The following SH3GL2 variants were observed in gnomAD, a reference collection of about 807,000 sequenced individuals.
The protein encoded by SH3GL2 is SH3 domain containing GRB2 like 2, endophilin A1, also known as endophilin-A1.
In SH3GL2, 24 loss-of-function variants were observed where a neutral mutation model predicts 46.0. The observed-to-expected ratio is 0.52, with a 90% CI of 0.38 to 0.73. The LOEUF (loss-of-function observed/expected upper bound fraction) is 0.73, where lower values mean the gene tolerates loss of function less well. Ranked by LOEUF, SH3GL2 falls within the 30% of genes least tolerant of loss-of-function variation. The probability of loss-of-function intolerance (pLI) is 0.00; values close to 1 mark genes in which losing one functional copy is unlikely to be tolerated. For synonymous variants in SH3GL2, 196 were observed against 147.1 expected, an observed-to-expected ratio of 1.33 and a Z score of -2.40; for missense variants, 413 against 424.2, an observed-to-expected ratio of 0.97 and a Z score of 0.23.
intron 1 of SH3GL2, among the ~76,000 whole-genome samples, chr9:17,707,057 C>T (rs1821490092): frequency 6.6e-6 from 1 of 152,078 alleles, no homozygotes; most frequent in African/African-American, 2.4e-5. Context: ...TTGCTTAACC[C>T]ATGCTGAAGA....
chr9:17,738,641 T>TATATATATATAGAGAGAGAGAGAGAGAG (rs376280314), intron 1 of SH3GL2, among the ~76,000 whole-genome samples: 1 of 88,898 alleles, frequency 1.1e-5, no homozygotes, highest in Non-Finnish European at 2.3e-5. Context: ...TATATATATA[T>TATATATATATAGAGAGAGAGAGAGAGAG]AGAGAGAGAG....
At chr9:17,656,593 T>A (rs534920385) in intron 1 of SH3GL2, among the ~76,000 whole-genome samples, 1 of 152,140 alleles carries the variant, frequency 6.6e-6, no homozygotes, top group Admixed American at 6.6e-5. Flanking sequence ...CTACTTATTC[T>A]CTTAGTCATG....
At chr9:17,631,362 C>T (rs1819417242) in intron 1 of SH3GL2, among the ~76,000 whole-genome samples, 1 of 152,164 alleles carries the variant, frequency 6.6e-6, no homozygotes, top group South Asian at 2.1e-4. Context: ...GTTCTGACAT[C>T]CCCTCTTGCT....
chr9:17,724,959 TTG>T (rs972920627), intron 1 of SH3GL2, among the ~76,000 whole-genome samples: 82 of 152,266 alleles, frequency 5.4e-4, no homozygotes, highest in African/African-American at 1.9e-3. Flanking sequence ...ATTTATACTT[TTG>T]TCCTGAGTTC....
intron 1 of SH3GL2, among the ~76,000 whole-genome samples, chr9:17,582,350 TTAGAA>T (rs1321509292): frequency 6.6e-6 from 1 of 152,234 alleles, no homozygotes; most frequent in Non-Finnish European, 1.5e-5. Flanking sequence ...TACTGTATAA[TTAGAA>T]TAAAGTATTC....
intron 1 of SH3GL2, among the ~76,000 whole-genome samples, chr9:17,661,642 A>T (rs1820217959): frequency 6.6e-6 from 1 of 152,208 alleles, no homozygotes. Context: ...ACAGGATGGT[A>T]CTACATAAAT....
intron 1 of SH3GL2, among the ~76,000 whole-genome samples, chr9:17,689,088 C>T (rs775829611): frequency 6.6e-6 from 1 of 152,010 alleles, no homozygotes; most frequent in Non-Finnish European, 1.5e-5. Flanking sequence ...ATAGTGTGTT[C>T]CCTTAATATG....
At chr9:17,677,623 G>GAT (rs1820645779) in intron 1 of SH3GL2, among the ~76,000 whole-genome samples, 1 of 130,364 alleles carries the variant, frequency 7.7e-6, no homozygotes, top group African/African-American at 4.0e-5. Context: ...TAAATTGTAT[G>GAT]GTATATATAT....
chr9:17,624,761 C>G (rs368078573), intron 1 of SH3GL2, among the ~76,000 whole-genome samples: 3 of 152,176 alleles, frequency 2.0e-5, no homozygotes, highest in African/African-American at 4.8e-5. Flanking sequence ...CTGGAGCCAT[C>G]TGTTCCTTTG....
chr9:17,688,006 A>T (rs1041712079), intron 1 of SH3GL2, among the ~76,000 whole-genome samples: 3 of 152,120 alleles, frequency 2.0e-5, no homozygotes, highest in African/African-American at 7.2e-5. Context: ...TGTGTCTCAT[A>T]GTTCAGTATC....
chr9:17,758,601 G>C (rs188672025), intron 2 of SH3GL2, among the ~76,000 whole-genome samples: 1 of 80,392 alleles, frequency 1.2e-5, no homozygotes, highest in East Asian at 9.3e-4. Context: ...AAAAATTGCA[G>C]TCAGTAGCAA....
rs563027724 is a variant in SH3GL2, at chr9:17,658,573, G to T, written c.45+79286G>T. 5.3e-5 allele frequency among the ~76,000 whole-genome samples: 8 copies of T among 152,284 alleles called. No individual in the cohort carries two copies. In the East Asian group the frequency reaches 1.5e-3, roughly 29 times the overall value. On this transcript the variant is annotated intron_variant, in intron 1 of 8. Transcript: ENST00000380607. Reference sequence around the variant, plus strand: ...CAGTGCTAAGCATTTTAATACAAAAGCATAAAATAACATTGTGAGATTTCC... The same window carrying T: ...CAGTGCTAAGCATTTTAATACAAAATCATAAAATAACATTGTGAGATTTCC...
chr9:17,784,853 C>T (rs943863784), intron 3 of SH3GL2, among the ~76,000 whole-genome samples: 1 of 152,096 alleles, frequency 6.6e-6, no homozygotes, highest in Non-Finnish European at 1.5e-5. Context: ...ATTGAGACTA[C>T]AGGTGGGCAC....
intron 2 of SH3GL2, among the ~76,000 whole-genome samples, chr9:17,753,863 A>G (rs537304019): frequency 2.6e-5 from 4 of 152,272 alleles, no homozygotes; most frequent in African/African-American, 9.6e-5. Context: ...TATATGGTGT[A>G]AGGAAGGGGT....
chr9:17,696,900 C>T (rs1445417914), intron 1 of SH3GL2, among the ~76,000 whole-genome samples: 4 of 152,176 alleles, frequency 2.6e-5, no homozygotes, highest in Non-Finnish European at 4.4e-5. Context: ...CTCTTACCTT[C>T]CATCACTTTC....
intron 1 of SH3GL2, among the ~76,000 whole-genome samples, chr9:17,649,544 G>A (rs1050373908): frequency 2.0e-5 from 3 of 152,102 alleles, no homozygotes; most frequent in Non-Finnish European, 4.4e-5. Context: ...ATATTTAAAA[G>A]GGCATTGGTA....
chr9:17,669,211 G>T (rs7021836), intron 1 of SH3GL2, among the ~76,000 whole-genome samples: 76,673 of 152,046 alleles, frequency 0.5, 20,115 homozygotes, highest in African/African-American at 0.63. Flanking sequence ...CTTGAAAAAC[G>T]GTAGTATGGT....
Position 17,676,530 on chromosome 9 carries a change from C to T in SH3GL2, c.46-70536C>T, listed in dbSNP as rs560978860. Among the ~76,000 whole-genome samples, 223 of 152,276 alleles carry T rather than the reference C, an allele frequency of 1.5e-3. 2 individuals carry two copies. The highest frequency in any genetic ancestry group is 5.2e-3 in the African/African-American group (215 of 41,542). ...CTGAGGCAGGAGAATCACTTGAACC[C>T]AGGAGTTGGAGGTTGCAATGAGCTG... On this transcript the variant is annotated intron_variant, in intron 1 of 8. Coordinates refer to ENST00000380607, the MANE Select transcript of SH3GL2 (RefSeq NM_003026.5).
chr9:17,760,592 C>T (rs1409045650), intron 2 of SH3GL2, among the ~76,000 whole-genome samples: 2 of 152,084 alleles, frequency 1.3e-5, no homozygotes, highest in Non-Finnish European at 2.9e-5. Context: ...CTCCAGTGGA[C>T]TTAATTGATA....
Sources: gnomAD v4.1 joint callset for allele counts (sites outside exome capture counted in the v4.1 genomes callset) on GRCh38, gnomAD v4.1.1 for gene constraint, MANE v1.5 for transcripts, NCBI Gene and HGNC (gene_info 2026-07-23, HGNC 2026-07-21) for gene names.